Variants in GFOD1 observed in about 807,000 individuals in gnomAD.
The protein encoded by GFOD1 is glucose-fructose oxidoreductase domain-containing protein 1.
In GFOD1, 9 loss-of-function variants were observed where a neutral mutation model predicts 25.4. The observed-to-expected ratio is 0.35, with a 90% confidence interval of 0.21 to 0.62. The LOEUF is 0.62. GFOD1 is among the 20% of genes least tolerant of loss of function. GFOD1 has a pLI of 0.72. For missense variants in GFOD1, 403 were observed against 556.9 expected (o/e 0.72, Z 2.78); for synonymous variants, 253 against 245.6 (o/e 1.03, Z -0.28).
Position 13,365,224 on chromosome 6 carries a change from A to G in GFOD1, c.692T>C (p.Val231Ala). 1.2e-6 allele frequency: 2 copies of G among 1,613,898 alleles called. No homozygotes were observed. Among genetic ancestry groups the G allele is most frequent in the Non-Finnish European group, 1.7e-6 (2 of 1,179,968 alleles). Residue 231 changes from valine to alanine, a missense_variant, in exon 2 of 2, where the codon GTG becomes GCG. Coordinates refer to ENST00000379287, the MANE Select transcript of GFOD1 (RefSeq NM_018988.4). This position sits in a 1 kb window ranked among gnomAD's most constrained non-coding sequence, Gnocchi z 9.2. ...CTFQMVLEGG[V>A]CCTVTLNFNV... The stretch of plus-strand genomic sequence containing the variant: ...GAAGTTGAGGGTGACGGTGCAGCAC[A>G]CCCCGCCCTCCAGCACCATCTGGAA...
intron 1 of GFOD1, among the ~76,000 whole-genome samples, chr6:13,391,224 G>A (rs959423317): frequency 9.2e-5 from 14 of 151,794 alleles, no homozygotes; most frequent in Non-Finnish European, 1.0e-4. Context: ...TCCAGTAACC[G>A]TGGCTGGAAT....
rs777267857 is a variant in GFOD1 at position 13,364,930 on chromosome 6, C to T, written c.986G>A (p.Arg329Gln). 6.8e-6 allele frequency: 11 copies of T among 1,612,242 alleles called. No individual in the cohort carries two copies. The Admixed American group carries it at 1.2e-4, about 17-fold the overall frequency. Reference sequence around the variant, plus strand: ...GAAGGTGGCGGCCATGGTGAGGGGCCGCCCATCCCACGTGCGCCGGTCGTC... The same window carrying T: ...GAAGGTGGCGGCCATGGTGAGGGGCTGCCCATCCCACGTGCGCCGGTCGTC... ...DQDDRRTWDG[R>Q]PLTMAATFDD... Residue 329 changes from arginine to glutamine, a missense_variant, in exon 2 of 2, where the codon CGG (arginine) becomes CAG (glutamine). By Grantham distance (43) the Arg-to-Gln change is conservative. Transcript: ENST00000379287. This position sits in a 1 kb window ranked among gnomAD's most constrained non-coding sequence, Gnocchi z 4.1.
At chr6:13,454,315 T>C (rs1758150429) in intron 1 of GFOD1, among the ~76,000 whole-genome samples, 1 of 152,210 alleles carries the variant, frequency 6.6e-6, no homozygotes, top group Non-Finnish European at 1.5e-5. Context: ...ACCCAGCTGA[T>C]GGTACTTTGT....
intron 1 of GFOD1, chr6:13,470,147 C>A (rs762987278): frequency 6.6e-7 from 1 of 1,513,808 alleles, no homozygotes; most frequent in Admixed American, 1.8e-5. Flanking sequence ...GTGAATGTAG[C>A]CAGTGATGTC....
chr6:13,459,513 T>C (rs1200466017), intron 1 of GFOD1, among the ~76,000 whole-genome samples: 2 of 152,054 alleles, frequency 1.3e-5, no homozygotes, highest in Non-Finnish European at 2.9e-5. Flanking sequence ...AAATGGGATC[T>C]AATTAAACTA....
intron 1 of GFOD1, among the ~76,000 whole-genome samples, chr6:13,423,401 G>A (rs886705571): frequency 6.6e-6 from 1 of 152,134 alleles, no homozygotes; most frequent in Non-Finnish European, 1.5e-5. Context: ...AGGAAGCAAC[G>A]TATAAATACC....
intron 1 of GFOD1, among the ~76,000 whole-genome samples, chr6:13,463,431 C>T (rs1758326100): frequency 6.6e-6 from 1 of 152,248 alleles, no homozygotes; most frequent in East Asian, 1.9e-4. Flanking sequence ...TGCTCAGTAG[C>T]CATACGGGGC....
chr6:13,378,391 A>G (rs1392126808), intron 1 of GFOD1, among the ~76,000 whole-genome samples: 3 of 152,210 alleles, frequency 2.0e-5, no homozygotes, highest in Non-Finnish European at 4.4e-5. Context: ...TGGGAAATCA[A>G]TGAAAGGAGG....
intron 1 of GFOD1, among the ~76,000 whole-genome samples, chr6:13,395,557 C>T (rs1550524): frequency 0.042 from 6,431 of 152,228 alleles, 347 homozygotes; most frequent in African/African-American, 0.13. Context: ...GCTGTGTGAG[C>T]TCAGATAAGG....
rs1758897728 is a variant in GFOD1, at chr6:13,487,372, A to T, written c.-482T>A. On this transcript the variant is annotated 5_prime_UTR_variant, in exon 1 of 2. Transcript: ENST00000379287. This position sits in a 1 kb window ranked among gnomAD's most constrained non-coding sequence, Gnocchi z 4.9. ...CGTCTACACCCTGCCAGAGCACGGA[A>T]CCGCTCCGCGGGGGAGTCTCCTTTC... is the stretch of plus-strand genomic sequence containing the variant. The T allele has an allele frequency of 6.5e-6, 1 of 154,654 alleles. No individual in the cohort carries two copies. The highest frequency in any genetic ancestry group is 1.4e-5 in the Non-Finnish European group (1 of 69,932). 9.6% of individuals were successfully genotyped at this position (154,654 alleles called of 1,614,324 possible).
At chr6:13,390,780 A>AAGGAAGGAAGGAAGG (rs1785581911) in intron 1 of GFOD1, among the ~76,000 whole-genome samples, 3 of 117,904 alleles carry the variant, frequency 2.5e-5, no homozygotes, top group Non-Finnish European at 5.4e-5. Flanking sequence ...AGAGAGAGAG[A>AAGGAAGGAAGGAAGG]AAGGAAGGAA....
At chr6:13,384,756 T>C (rs2127559531) in intron 1 of GFOD1, among the ~76,000 whole-genome samples, 1 of 152,244 alleles carries the variant, frequency 6.6e-6, no homozygotes, top group Middle Eastern at 3.4e-3. Context: ...CGAGAGTAAA[T>C]CCATTTTTCT....
At chr6:13,367,967 C>T (rs1053748634) in intron 1 of GFOD1, among the ~76,000 whole-genome samples, 1 of 152,104 alleles carries the variant, frequency 6.6e-6, no homozygotes, top group African/African-American at 2.4e-5. Context: ...ATGAGACACA[C>T]GCCACCCTAT....
intron 1 of GFOD1, among the ~76,000 whole-genome samples, chr6:13,457,840 C>T (rs1484845480): frequency 1.3e-5 from 2 of 152,184 alleles, no homozygotes; most frequent in South Asian, 4.1e-4. Flanking sequence ...TCGCTTGACC[C>T]GTTCCAGCGG....
intron 1 of GFOD1, among the ~76,000 whole-genome samples, chr6:13,415,123 C>T (rs1786141872): frequency 6.6e-6 from 1 of 152,186 alleles, no homozygotes; most frequent in South Asian, 2.1e-4. Flanking sequence ...CTGCTATATC[C>T]AGATTCCTCC....
chr6:13,451,530 C>T (rs1758098677), intron 1 of GFOD1, among the ~76,000 whole-genome samples: 1 of 152,168 alleles, frequency 6.6e-6, no homozygotes, highest in Non-Finnish European at 1.5e-5. Context: ...ACTTCATCAG[C>T]AAAGCCCTCC....
intron 1 of GFOD1, among the ~76,000 whole-genome samples, chr6:13,370,628 G>A (rs185230884): frequency 4.0e-5 from 6 of 151,890 alleles, no homozygotes; most frequent in East Asian, 1.9e-4. Context: ...CCAAATCTTC[G>A]CTATCAAAAG....
At chr6:13,378,210 G>A (rs1785292000) in intron 1 of GFOD1, among the ~76,000 whole-genome samples, 1 of 152,198 alleles carries the variant, frequency 6.6e-6, no homozygotes, top group Non-Finnish European at 1.5e-5. Flanking sequence ...GATCCAGGGT[G>A]CAAATTCAGT....
At chr6:13,376,846 T>C (rs1240397199) in intron 1 of GFOD1, among the ~76,000 whole-genome samples, 1 of 152,168 alleles carries the variant, frequency 6.6e-6, no homozygotes, top group Non-Finnish European at 1.5e-5. Flanking sequence ...CAGAATCTCC[T>C]TGTTGATTGC....
Sources: allele counts gnomAD v4.1 joint callset (sites outside exome capture counted in the v4.1 genomes callset), GRCh38; gene constraint gnomAD v4.1.1; non-coding constraint Gnocchi (gnomAD v3.1); transcripts MANE v1.5; gene names NCBI Gene and HGNC (gene_info 2026-07-23, HGNC 2026-07-21).